NETO1: variants seen among roughly 807,000 people sequenced by gnomAD.
The protein encoded by NETO1 is neuropilin and tolloid-like protein 1.
Under a neutral mutation model 61.3 loss-of-function variants are expected in NETO1, and 26 were observed. The ratio of observed to expected loss-of-function variants is 0.42; its 90% CI spans 0.31 to 0.59. The LOEUF (loss-of-function observed/expected upper bound fraction) is 0.59, where lower values mean the gene tolerates loss of function less well. Ranked by LOEUF, NETO1 falls within the 20% of genes least tolerant of loss-of-function variation. The pLI is 0.12. For missense variants in NETO1, 531 were observed against 662.8 expected, an observed-to-expected ratio of 0.80 and a Z score of 2.18; for synonymous variants, 225 against 225.8, an observed-to-expected ratio of 1.00 and a Z score of 0.03.
chr18:72,808,686 G>C (rs1226840635), intron 4 of NETO1, among the ~76,000 whole-genome samples: 1 of 152,180 alleles, frequency 6.6e-6, no homozygotes, highest in Non-Finnish European at 1.5e-5. Context: ...AGCTGTACAA[G>C]CCATGCTAAC....
intron 7 of NETO1, among the ~76,000 whole-genome samples, chr18:72,778,677 T>C (rs541093012): frequency 1.3e-3 from 205 of 152,260 alleles, no homozygotes; most frequent in Non-Finnish European, 3.1e-4. Context: ...AAAACGACCT[T>C]ACTATTTATA....
At chr18:72,843,794 A>C (rs1236080091) in intron 4 of NETO1, among the ~76,000 whole-genome samples, 2 of 152,334 alleles carry the variant, frequency 1.3e-5, no homozygotes, top group Non-Finnish European at 2.9e-5. Context: ...CCCGCCAAAA[A>C]ACTGGTGCCA....
chr18:72,846,504 CAAAAAAAAAAAAAAAAAAAAA>C (rs35252443), intron 4 of NETO1, among the ~76,000 whole-genome samples: 1 of 13,004 alleles, frequency 7.7e-5, no homozygotes, highest in African/African-American at 3.0e-4. Context: ...GACTTCATCT[CAAAAAAAAAAAAAAAAAAAAA>C]AAAAAAAAAG....
At chr18:72,826,784 C>G (rs1339203400) in intron 4 of NETO1, among the ~76,000 whole-genome samples, 1 of 152,128 alleles carries the variant, frequency 6.6e-6, no homozygotes, top group Non-Finnish European at 1.5e-5. Context: ...AACTGTCTGA[C>G]AGGAATAGAA....
chr18:72,823,013 A>G (rs12454802), intron 4 of NETO1, among the ~76,000 whole-genome samples: 56,250 of 152,022 alleles, frequency 0.37, 11,418 homozygotes, highest in Admixed American at 0.48. Flanking sequence ...TTTTCCTTCA[A>G]GCATCTCTGT....
In NETO1 at chr18:72,746,420, A is replaced by G. The variant is rs775606671; in HGVS notation, c.*1759T>C. ...AATGTGTATAAAACTATGTAGCATA[A>G]CAATGAAAAATAATCTTTGTCATGT... On this transcript the variant is annotated 3_prime_UTR_variant, in exon 11 of 11. Coordinates refer to ENST00000327305, the MANE Select transcript of NETO1 (RefSeq NM_138966.5). Among the ~76,000 whole-genome samples the G allele has an allele frequency of 5.9e-5, 9 of 152,286 alleles. No homozygotes were observed. The highest frequency in any genetic ancestry group is 2.0e-4 in the Admixed American group (3 of 15,288).
At chr18:72,795,083 A>G (rs1460384951) in intron 4 of NETO1, among the ~76,000 whole-genome samples, 2 of 152,148 alleles carry the variant, frequency 1.3e-5, no homozygotes, top group African/African-American at 2.4e-5. Flanking sequence ...AGGCTCAGCC[A>G]CCTGTCCTCT....
At chr18:72,797,827 C>T (rs537666118) in intron 4 of NETO1, among the ~76,000 whole-genome samples, 14 of 152,270 alleles carry the variant, frequency 9.2e-5, no homozygotes, top group African/African-American at 3.1e-4. Flanking sequence ...CAGGCTGTTC[C>T]TATCCTCTGT....
intron 4 of NETO1, among the ~76,000 whole-genome samples, chr18:72,854,802 A>G (rs1391558884): frequency 6.7e-6 from 1 of 149,932 alleles, no homozygotes. Flanking sequence ...TAAATAATTT[A>G]TACAAGTAAT....
intron 4 of NETO1, among the ~76,000 whole-genome samples, chr18:72,822,039 G>A (rs2073216396): frequency 6.6e-6 from 1 of 152,094 alleles, no homozygotes; most frequent in African/African-American, 2.4e-5. Context: ...ATGCTCTAGG[G>A]GCATTTTTCC....
At chr18:72,814,749 A>T (rs77659421) in intron 4 of NETO1, among the ~76,000 whole-genome samples, 3,528 of 152,152 alleles carry the variant, frequency 0.023, 65 homozygotes, top group Middle Eastern at 0.065. Flanking sequence ...GGAAAAAAGC[A>T]TTACTACAAA....
downstream of NETO1, among the ~76,000 whole-genome samples, chr18:72,743,337 G>C (rs1397075710): frequency 6.6e-6 from 1 of 152,100 alleles, no homozygotes; most frequent in Non-Finnish European, 1.5e-5. Flanking sequence ...CATTCTTCAA[G>C]ACCTGCTTAG....
At chr18:72,846,504 C>CAAAAA (rs35252443) in intron 4 of NETO1, among the ~76,000 whole-genome samples, 1,372 of 13,050 alleles carry the variant, frequency 0.11, 415 homozygotes, top group Admixed American at 0.16. Context: ...GACTTCATCT[C>CAAAAA]AAAAAAAAAA....
rs1046812953 is a variant in NETO1 at position 72,835,222 on chromosome 18, T to A, written c.469+23604A>T. On this transcript the variant is annotated intron_variant, in intron 4 of 10. Transcript: ENST00000327305. ...ATGTGTGCTTCAAGATGGTGTTAGA[T>A]CAACGTTCTGGGCACCACAGCATCC... 7.5e-6 allele frequency: 11 copies of A among 1,470,982 alleles called. No homozygotes were observed. In the Admixed American group the frequency reaches 2.0e-4, roughly 27 times the overall value. 91.1% of individuals were successfully genotyped at this position (1,470,982 alleles called of 1,614,324 possible). A position where few individuals can be genotyped will look rare whatever the true frequency, so the allele number is the denominator to read the frequency against.
intron 4 of NETO1, among the ~76,000 whole-genome samples, chr18:72,852,651 C>T (rs1287192546): frequency 1.3e-5 from 2 of 152,098 alleles, no homozygotes; most frequent in South Asian, 2.1e-4. Flanking sequence ...CCTGAACACC[C>T]ACCTAGACCA....
At chr18:72,860,371 C>T (rs974801593) in intron 3 of NETO1, among the ~76,000 whole-genome samples, 3 of 152,238 alleles carry the variant, frequency 2.0e-5, no homozygotes, top group Middle Eastern at 3.4e-3. Context: ...TAAATATACA[C>T]GGAACATCAT....
intron 7 of NETO1, among the ~76,000 whole-genome samples, chr18:72,768,033 C>G (rs1312418435): frequency 6.6e-6 from 1 of 152,148 alleles, no homozygotes; most frequent in Non-Finnish European, 1.5e-5. Context: ...AGGCATCACA[C>G]GTAAGAAAGT....
intron 7 of NETO1, among the ~76,000 whole-genome samples, chr18:72,762,983 T>C (rs1392496175): frequency 6.6e-6 from 1 of 152,242 alleles, no homozygotes; most frequent in Non-Finnish European, 1.5e-5. Context: ...CATTGTTTTT[T>C]AATGTGAAAG....
intron 4 of NETO1, among the ~76,000 whole-genome samples, chr18:72,823,519 C>T (rs1568229412): frequency 6.6e-6 from 1 of 151,962 alleles, no homozygotes; most frequent in Non-Finnish European, 1.5e-5. Context: ...GACCTCAAGG[C>T]TCGTTCAACA....
Sources: allele counts gnomAD v4.1 joint callset (sites outside exome capture counted in the v4.1 genomes callset), GRCh38; gene constraint gnomAD v4.1.1; transcripts MANE v1.5; gene names NCBI Gene and HGNC (gene_info 2026-07-23, HGNC 2026-07-21).